The following ST3GAL6 variants were observed in gnomAD, a reference collection of about 807,000 sequenced individuals.
The protein encoded by ST3GAL6 is ST3 beta-galactoside alpha-2,3-sialyltransferase 6.
Under a neutral mutation model 40.5 loss-of-function variants are expected in ST3GAL6, and 31 were observed. That is an observed-to-expected ratio of 0.77 (90% CI 0.58 to 1.03). ST3GAL6 has a LOEUF of 1.03. ST3GAL6 is among the 50% of genes least tolerant of loss of function. ST3GAL6 has a pLI of 0.00. For synonymous variants in ST3GAL6, 129 were observed against 136.9 expected (o/e 0.94, Z 0.40); for missense variants, 357 against 393.2 (o/e 0.91, Z 0.78).
chr3:98,737,812 A>G (rs1297557266), intron 1 of ST3GAL6, among the ~76,000 whole-genome samples: 3 of 152,208 alleles, frequency 2.0e-5, no homozygotes, highest in Admixed American at 2.0e-4. Flanking sequence ...AAGCAAATGG[A>G]AAACAGAAAA....
intron 1 of ST3GAL6, among the ~76,000 whole-genome samples, chr3:98,750,455 A>C (rs189873567): frequency 2.0e-5 from 3 of 152,330 alleles, no homozygotes; most frequent in Admixed American, 6.5e-5. Flanking sequence ...GACTCTGTAC[A>C]GTGACCATAC....
At chr3:98,782,969 G>A in intron 5 of ST3GAL6, 1 of 331,748 alleles carries the variant, frequency 3.0e-6, no homozygotes, top group South Asian at 2.7e-5. Context: ...TGCTCAGAAG[G>A]TGCCCATGTG....
intron 1 of ST3GAL6, among the ~76,000 whole-genome samples, chr3:98,737,087 C>T (rs374093792): frequency 2.6e-5 from 4 of 152,114 alleles, no homozygotes; most frequent in Non-Finnish European, 5.9e-5. Flanking sequence ...CTTGCTCTGT[C>T]ACCCAGGCTG....
chr3:98,770,828 G>T, intron 2 of ST3GAL6, 51 bp from the exon 3 acceptor site: 1 of 1,542,982 alleles, frequency 6.5e-7, no homozygotes, highest in South Asian at 1.1e-5. Flanking sequence ...GCTTCCCTTT[G>T]GGCAGGGTGC....
intron 1 of ST3GAL6, among the ~76,000 whole-genome samples, chr3:98,738,602 G>A (rs1346430139): frequency 6.6e-6 from 1 of 152,172 alleles, no homozygotes; most frequent in Non-Finnish European, 1.5e-5. Flanking sequence ...ATAGCAGTGT[G>A]AGAATGAACT....
chr3:98,734,742 A>G (rs747255178), intron 1 of ST3GAL6, among the ~76,000 whole-genome samples: 6 of 152,230 alleles, frequency 3.9e-5, no homozygotes, highest in Non-Finnish European at 8.8e-5. Context: ...GAATAATACC[A>G]TTAAGAGACA....
intron 8 of ST3GAL6, among the ~76,000 whole-genome samples, chr3:98,790,790 T>G (rs1305073429): frequency 2.0e-5 from 3 of 151,966 alleles, no homozygotes; most frequent in Non-Finnish European, 4.4e-5. Flanking sequence ...TAAAGACGGA[T>G]GAAGGACTCT....
chr3:98,791,705 A>G (rs1941219976), intron 8 of ST3GAL6, 136 bp from the exon 9 acceptor site: 1 of 766,588 alleles, frequency 1.3e-6, no homozygotes, highest in South Asian at 1.8e-5. Context: ...CTTGAGCCTT[A>G]TAATGAGAGT....
At chr3:98,732,309 C>A (rs1462403862) in exon 1 of ST3GAL6, 1 of 152,630 alleles carries the variant, frequency 6.6e-6, no homozygotes, top group African/African-American at 2.4e-5. Context: ...CTGCCGCCTG[C>A]CAGCCGGGCG....
At chr3:98,758,003 AT>A (rs1937532297) in intron 1 of ST3GAL6, among the ~76,000 whole-genome samples, 1 of 151,958 alleles carries the variant, frequency 6.6e-6, no homozygotes. Flanking sequence ...CGTCTAGCTA[AT>A]TTTTGTATTA....
chr3:98,762,060 A>G (rs1006579873), upstream of ST3GAL6, among the ~76,000 whole-genome samples: 1 of 145,634 alleles, frequency 6.9e-6, no homozygotes, highest in Admixed American at 7.2e-5. Context: ...AAGTGAAAAG[A>G]TCTGTCTACA....
At chr3:98,772,288 T>C (rs1171118841) in intron 3 of ST3GAL6, 2 of 152,494 alleles carry the variant, frequency 1.3e-5, no homozygotes, top group Non-Finnish European at 2.9e-5. Context: ...TTGGAGAAGC[T>C]CTTCTGGGAA....
chr3:98,755,940 T>C (rs186200541), intron 1 of ST3GAL6, among the ~76,000 whole-genome samples: 16 of 152,258 alleles, frequency 1.1e-4, no homozygotes, highest in Admixed American at 6.5e-5. Flanking sequence ...CTCATTCTCC[T>C]CTCTCCTTCT....
chr3:98,763,542 A>G (rs2107118112), intron 1 of ST3GAL6, 103 bp downstream of exon 1: 1 of 1,075,840 alleles, frequency 9.3e-7, no homozygotes, highest in Non-Finnish European at 1.2e-6. Context: ...GTGTGGAGGT[A>G]GAAGGGGGAT....
At chr3:98,746,346 A>G (rs931556417) in intron 1 of ST3GAL6, among the ~76,000 whole-genome samples, 1 of 152,168 alleles carries the variant, frequency 6.6e-6, no homozygotes, top group African/African-American at 2.4e-5. Context: ...AGTGAGGCCA[A>G]ACAGACTCCA....
rs72934627 is a variant in ST3GAL6 at position 98,791,066 on chromosome 3, G to A, written c.757-775G>A. Among the ~76,000 whole-genome samples, 939 of 152,232 alleles carry A rather than the reference G, an allele frequency of 6.2e-3. 8 individuals carry two copies. The highest frequency in any genetic ancestry group is 0.021 in the African/African-American group (884 of 41,522). The stretch of plus-strand genomic sequence containing the variant: ...AACTATAAGAAACACTTTATTGAAA[G>A]TGTTATGTAAAAAGCTTAAGATGTA... On this transcript the variant is annotated intron_variant, in intron 8 of 9. Coordinates refer to ENST00000483910, the MANE Select transcript of ST3GAL6 (RefSeq NM_001323368.2).
intron 1 of ST3GAL6, among the ~76,000 whole-genome samples, chr3:98,740,489 A>G (rs1263212305): frequency 6.6e-6 from 1 of 152,098 alleles, no homozygotes; most frequent in African/African-American, 2.4e-5. Flanking sequence ...GCTTCAGCTC[A>G]GGCTGTTCTT....
intron 1 of ST3GAL6, chr3:98,733,160 C>G (rs1935192043): frequency 8.2e-7 from 1 of 1,215,638 alleles, no homozygotes; most frequent in Non-Finnish European, 1.1e-6. Context: ...CTCCACATAT[C>G]CTGCCAGCAC....
At position 98,771,028 on chromosome 3, in the gene ST3GAL6, G is replaced by A. The variant is rs910710704; in HGVS notation, c.167+72G>A. On this transcript the variant is annotated intron_variant, in intron 3 of 9. Coordinates refer to ENST00000483910, the MANE Select transcript of ST3GAL6 (RefSeq NM_001323368.2). Reference sequence around the variant, plus strand: ...GTGCTTGTAATCATTTTCCACACTTGTTTATTTTTTTAATGCAAATCTTAG... The same window carrying A: ...GTGCTTGTAATCATTTTCCACACTTATTTATTTTTTTAATGCAAATCTTAG... The A allele has an allele frequency of 6.4e-6, 10 of 1,566,630 alleles. No homozygotes were observed. In the African/African-American group the frequency reaches 1.1e-4, roughly 17 times the overall value.
Sources: gnomAD v4.1 joint callset for allele counts (sites outside exome capture counted in the v4.1 genomes callset) on GRCh38, gnomAD v4.1.1 for gene constraint, MANE v1.5 for transcripts, NCBI Gene and HGNC (gene_info 2026-07-23, HGNC 2026-07-21) for gene names.